The following RNF19B variants were observed in gnomAD, a reference collection of about 807,000 sequenced individuals.
RNF19B encodes the protein ring finger protein 19B.
A neutral mutation model predicts 65.5 loss-of-function variants in RNF19B; 23 were observed. The observed-to-expected ratio is 0.35, with a 90% CI of 0.25 to 0.50. RNF19B has a LOEUF of 0.50. Ranked by LOEUF, RNF19B falls within the 20% of genes least tolerant of loss-of-function variation. The pLI is 0.98. For synonymous variants in RNF19B, 372 were observed against 379.6 expected (o/e 0.98, Z 0.23); for missense variants, 794 against 980.0 (o/e 0.81, Z 2.53).
At chr1:32,954,939 T>C (rs1010287354) in intron 1 of RNF19B, among the ~76,000 whole-genome samples, 5 of 152,088 alleles carry the variant, frequency 3.3e-5, no homozygotes, top group African/African-American at 7.2e-5. Flanking sequence ...TACCTAGAAA[T>C]GTCTTGTCCT....
At chr1:32,961,877 C>T (rs2124193304) in intron 1 of RNF19B, among the ~76,000 whole-genome samples, 1 of 152,038 alleles carries the variant, frequency 6.6e-6, no homozygotes, top group East Asian at 1.9e-4. Flanking sequence ...AAACAGGGAC[C>T]TTTTCCAGAA....
chr1:32,929,351 C>A, the RNF19B span, among the ~76,000 whole-genome samples: 3 of 152,164 alleles, frequency 2.0e-5, no homozygotes, highest in Admixed American at 6.5e-5. Flanking sequence ...TCTGCAACAA[C>A]CTCATTTTCC....
At chr1:32,933,914 A>G (rs1426788063), downstream of RNF19B, among the ~76,000 whole-genome samples, 1 of 152,212 alleles carries the variant, frequency 6.6e-6, no homozygotes, top group East Asian at 1.9e-4. Flanking sequence ...GATAAGAAAT[A>G]TAGGTTTAGC....
intron 1 of RNF19B, 127 bp downstream of exon 1, chr1:32,963,924 A>C (rs1278402193): frequency 2.2e-6 from 3 of 1,338,124 alleles, no homozygotes; most frequent in Non-Finnish European, 2.9e-6. Flanking sequence ...CCTGATGGTT[A>C]CCACCCCGCC....
intron 7 of RNF19B, among the ~76,000 whole-genome samples, chr1:32,941,575 G>A (rs1642233140): frequency 6.6e-6 from 1 of 151,996 alleles, no homozygotes; most frequent in African/African-American, 2.4e-5. Flanking sequence ...CCATGATACA[G>A]CATAAATGCT....
In RNF19B at chr1:32,949,729, A is replaced by G. The variant is rs772386865; in HGVS notation, c.681T>C (p.Thr227=). 3 of 1,613,816 alleles carry G rather than the reference A, an allele frequency of 1.9e-6. No homozygotes were observed. The highest frequency in any genetic ancestry group is 2.2e-5 in the East Asian group (1 of 44,868). The part of the protein sequence containing the change: ...AYGCASCPKL[T]CEREGCQTEF... ...CAGTCTGGCAACCTTCCCTCTCACA[A>G]GTTAGCTTCGGGCAGCTGGCACAGC... Residue 227 remains threonine (T), a synonymous_variant, in exon 2 of 9, where the codon ACT becomes ACC. Transcript: ENST00000235150.
chr1:32,964,059 C>G lies in RNF19B; in HGVS notation c.627G>C (p.Pro209=). Residue 209 remains proline, a synonymous_variant, in exon 1 of 9, where the codon CCG becomes CCC. Transcript: ENST00000235150. The surrounding 1 kb of genome is among the most constrained non-coding windows in gnomAD (Gnocchi z 6.5). ...CACGCCCCCGCGCTCACCCGCAGTCCGGGGCCGGGCACCAGCGGCAGTCGG... is the reference window on the plus strand; with the variant it reads ...CACGCCCCCGCGCTCACCCGCAGTCGGGGGCCGGGCACCAGCGGCAGTCGG... ...SDPDCRWCPA[P]DCGYAVIAYG... 1.3e-6 allele frequency: 2 copies of G among 1,509,570 alleles called. No individual in the cohort carries two copies. The highest frequency in any genetic ancestry group is 1.8e-6 in the Non-Finnish European group (2 of 1,129,412). The allele number at this position is 1,509,570 out of a possible 1,614,324, so 93.5% of individuals were successfully genotyped here. A position where few individuals can be genotyped will look rare whatever the true frequency, so the allele number is the denominator to read the frequency against.
the RNF19B span, among the ~76,000 whole-genome samples, chr1:32,931,387 G>T: frequency 3.9e-5 from 6 of 152,152 alleles, no homozygotes; most frequent in Admixed American, 3.3e-4. Flanking sequence ...TGGGACACGA[G>T]AAGTATTAGT....
chr1:32,961,617 C>T (rs925216153), intron 1 of RNF19B, among the ~76,000 whole-genome samples: 5 of 151,822 alleles, frequency 3.3e-5, no homozygotes, highest in African/African-American at 4.8e-5. Context: ...ACCTTAAGTC[C>T]GTAGATGACA....
chr1:32,938,327 T>A, intron 8 of RNF19B, 70 bp downstream of exon 8: 1 of 1,541,334 alleles, frequency 6.5e-7, no homozygotes, highest in Non-Finnish European at 9.0e-7. Context: ...ACATGAGGCA[T>A]TGAACTTCTG....
chr1:32,957,749 G>C (rs370978113), intron 1 of RNF19B, among the ~76,000 whole-genome samples: 2 of 152,220 alleles, frequency 1.3e-5, no homozygotes, highest in African/African-American at 4.8e-5. Context: ...CAGAAGAATC[G>C]CTTGAACCCG....
chr1:32,935,699 C>T (rs542250097), downstream of RNF19B, among the ~76,000 whole-genome samples: 1 of 152,258 alleles, frequency 6.6e-6, no homozygotes, highest in South Asian at 2.1e-4. Context: ...CAGTGTATTT[C>T]TTCCTCCAAT....
At chr1:32,950,522 T>C (rs1320959291) in intron 1 of RNF19B, among the ~76,000 whole-genome samples, 1 of 152,066 alleles carries the variant, frequency 6.6e-6, no homozygotes, top group East Asian at 1.9e-4. Context: ...TAAAGAGCTA[T>C]GGCAAAAACT....
intron 1 of RNF19B, among the ~76,000 whole-genome samples, chr1:32,959,696 C>G (rs904709674): frequency 1.3e-5 from 2 of 151,916 alleles, no homozygotes; most frequent in African/African-American, 4.8e-5. Flanking sequence ...TCTCATTTGA[C>G]AGCTTGTTTT....
intron 1 of RNF19B, among the ~76,000 whole-genome samples, chr1:32,963,197 C>T (rs1283124914): frequency 1.3e-5 from 2 of 152,078 alleles, no homozygotes; most frequent in African/African-American, 2.4e-5. Flanking sequence ...GAGTGCCTCC[C>T]GATAGCGTGG....
intron 1 of RNF19B, 108 bp from the exon 2 acceptor site, chr1:32,949,882 T>A: frequency 2.6e-6 from 2 of 773,144 alleles, no homozygotes; most frequent in Non-Finnish European, 4.3e-6. Flanking sequence ...CTATCACATA[T>A]GATACAGAGA....
At chr1:32,937,530 A>C (rs1379818390) in intron 8 of RNF19B, among the ~76,000 whole-genome samples, 2 of 152,056 alleles carry the variant, frequency 1.3e-5, no homozygotes, top group African/African-American at 2.4e-5. Context: ...AGGGCAACAA[A>C]GTCAGACCCT....
intron 2 of RNF19B, 36 bp downstream of exon 2, chr1:32,949,533 C>A: frequency 1.3e-6 from 2 of 1,579,898 alleles, no homozygotes; most frequent in South Asian, 2.2e-5. Flanking sequence ...CATGAAATAC[C>A]AAATAAAGAG....
intron 7 of RNF19B, 58 bp from the exon 8 acceptor site, chr1:32,938,586 GC>G: frequency 6.4e-7 from 1 of 1,552,208 alleles, no homozygotes; most frequent in Non-Finnish European, 8.8e-7. Context: ...AAGACAGTCT[GC>G]TTCCTGGCAC....
Sources: gnomAD v4.1 joint callset for allele counts (sites outside exome capture counted in the v4.1 genomes callset) on GRCh38, gnomAD v4.1.1 for gene constraint, Gnocchi (gnomAD v3.1) non-coding constraint, MANE v1.5 for transcripts, NCBI Gene and HGNC (gene_info 2026-07-23, HGNC 2026-07-21) for gene names.